The following ZNF423 variants were observed in gnomAD, a reference collection of about 807,000 sequenced individuals.
ZNF423 encodes Ebf-associated zinc finger protein.
ZNF423 carries 12 observed loss-of-function variants against 95.8 expected under a neutral mutation model. The observed-to-expected ratio is 0.13, with a 90% CI of 0.08 to 0.20. The LOEUF (loss-of-function observed/expected upper bound fraction) is 0.20, where lower values mean the gene tolerates loss of function less well. Among genes scored for constraint, ZNF423 ranks in the 10% least tolerant of loss-of-function variants. The probability of loss-of-function intolerance (pLI) is 1.00; values close to 1 mark genes in which losing one functional copy is unlikely to be tolerated. For synonymous variants in ZNF423, 749 were observed against 711.9 expected, an observed-to-expected ratio of 1.05 and a Z score of -0.83; for missense variants, 1,316 against 1,737.1, an observed-to-expected ratio of 0.76 and a Z score of 4.31.
At chr16:49,764,144 C>T (rs895931439) in intron 2 of ZNF423, among the ~76,000 whole-genome samples, 10 of 152,176 alleles carry the variant, frequency 6.6e-5, no homozygotes, top group Non-Finnish European at 1.3e-4. Context: ...TGGATGTTGG[C>T]AAGAGCCCCC....
chr16:49,677,246 G>GAGAAGAGA lies in ZNF423; in HGVS notation c.302-38373_302-38372insTCTCTTCT, dbSNP rs2031101776. Among the ~76,000 whole-genome samples the GAGAAGAGA allele has an allele frequency of 2.5e-4, 5 of 19,830 alleles. No homozygotes were observed. In the East Asian group the frequency reaches 8.3e-3, roughly 33 times the overall value. The allele number at this position is 19,830 out of a possible 152,430, so 13.0% of individuals were successfully genotyped here. ...AACAAGAAAAGAGAAGAGAAGAGAA[G>GAGAAGAGA]ATAAGAGAAGAGAAGAGAAGAGAAG... On this transcript the variant is annotated intron_variant, in intron 3 of 7. Transcript: ENST00000563137.
intron 1 of ZNF423, among the ~76,000 whole-genome samples, chr16:49,812,841 T>G (rs2034775276): frequency 6.6e-6 from 1 of 152,088 alleles, no homozygotes. Context: ...TTTTCATGTG[T>G]CTGAACACAC....
intron 7 of ZNF423, among the ~76,000 whole-genome samples, chr16:49,513,625 A>C (rs1967988932): frequency 7.0e-6 from 1 of 142,596 alleles, no homozygotes; most frequent in Non-Finnish European, 1.5e-5. Flanking sequence ...ATATGTTAAC[A>C]CATATGGGGA....
chr16:49,657,418 A>G (rs1164164556), intron 3 of ZNF423, among the ~76,000 whole-genome samples: 2 of 152,210 alleles, frequency 1.3e-5, no homozygotes, highest in African/African-American at 4.8e-5. Context: ...GAACTCAGGG[A>G]CCTGATGTGT....
chr16:49,785,296 G>A (rs1201303174), intron 2 of ZNF423, among the ~76,000 whole-genome samples: 1 of 152,054 alleles, frequency 6.6e-6, no homozygotes, highest in East Asian at 1.9e-4. Context: ...ACCCAGGCTG[G>A]TCTCAAACTC....
At chr16:49,627,528 C>T (rs1295851844) in intron 4 of ZNF423, among the ~76,000 whole-genome samples, 3 of 133,556 alleles carry the variant, frequency 2.2e-5, no homozygotes, top group Non-Finnish European at 5.2e-5. Flanking sequence ...ATCAATCCAT[C>T]CTCCATCTAC....
In ZNF423 at chr16:49,559,001, G is replaced by A. The variant is rs557975114; in HGVS notation, c.3602-33507C>T. Among the ~76,000 whole-genome samples, 9 of 152,290 alleles carry A rather than the reference G, an allele frequency of 5.9e-5. No homozygotes were observed. In the South Asian group the frequency reaches 1.9e-3, roughly 32 times the overall value. ...TGGGGGCAAGTCCTGAGCTCCTTAGGGGCCACAGGGGCTTCCCTCAACCTT... is the reference window on the plus strand; with the variant it reads ...TGGGGGCAAGTCCTGAGCTCCTTAGAGGCCACAGGGGCTTCCCTCAACCTT... On this transcript the variant is annotated intron_variant, in intron 5 of 7. Transcript: ENST00000563137.
chr16:49,699,837 T>C (rs1369504609), intron 3 of ZNF423, among the ~76,000 whole-genome samples: 1 of 152,154 alleles, frequency 6.6e-6, no homozygotes, highest in East Asian at 1.9e-4. Context: ...AATTTTTATC[T>C]TACGGCTCTT....
intron 2 of ZNF423, among the ~76,000 whole-genome samples, chr16:49,757,854 G>A (rs34554154): frequency 0.086 from 13,084 of 152,144 alleles, 601 homozygotes; most frequent in Middle Eastern, 0.15. Context: ...AAAGAATGAC[G>A]CACAGGATCT....
At chr16:49,680,840 G>A (rs1023495985) in intron 3 of ZNF423, among the ~76,000 whole-genome samples, 9 of 152,340 alleles carry the variant, frequency 5.9e-5, no homozygotes, top group Non-Finnish European at 1.0e-4. Flanking sequence ...GGTGCAGAAC[G>A]AGCCCAGCAG....
chr16:49,517,087 G>A (rs1968177676), intron 7 of ZNF423, among the ~76,000 whole-genome samples: 1 of 152,206 alleles, frequency 6.6e-6, no homozygotes, highest in South Asian at 2.1e-4. Context: ...CCAGAAAGAG[G>A]CAGAAGGCAG....
intron 5 of ZNF423, among the ~76,000 whole-genome samples, chr16:49,554,437 C>A (rs1009103731): frequency 6.6e-6 from 1 of 152,108 alleles, no homozygotes; most frequent in African/African-American, 2.4e-5. Flanking sequence ...ACAATCTGGC[C>A]GAACATCCTC....
At chr16:49,570,839 C>T (rs925456192) in intron 5 of ZNF423, among the ~76,000 whole-genome samples, 1 of 152,228 alleles carries the variant, frequency 6.6e-6, no homozygotes, top group African/African-American at 2.4e-5. Context: ...TCCATCCCAT[C>T]ACTCACCAGA....
At chr16:49,710,518 C>G (rs1169005088) in intron 3 of ZNF423, among the ~76,000 whole-genome samples, 1 of 152,226 alleles carries the variant, frequency 6.6e-6, no homozygotes, top group Non-Finnish European at 1.5e-5. Flanking sequence ...ACTTTCTGCT[C>G]AAAAGTCACC....
At chr16:49,618,357 A>C (rs1567506752) in intron 5 of ZNF423, among the ~76,000 whole-genome samples, 1 of 152,132 alleles carries the variant, frequency 6.6e-6, no homozygotes, top group Non-Finnish European at 1.5e-5. Context: ...CTGTGTCCCC[A>C]CCCAAATTTC....
chr16:49,720,487 TG>T (rs1229430695), intron 3 of ZNF423, among the ~76,000 whole-genome samples: 1 of 152,214 alleles, frequency 6.6e-6, no homozygotes, highest in Non-Finnish European at 1.5e-5. Context: ...CCTCCCTGTG[TG>T]ACCTGGGACA....
intron 2 of ZNF423, among the ~76,000 whole-genome samples, chr16:49,733,694 C>T (rs573717340): frequency 5.3e-4 from 80 of 152,302 alleles, no homozygotes; most frequent in Admixed American, 7.8e-4. Context: ...ATCCTCTGGG[C>T]TCCCAAGGGG....
At position 49,801,442 on chromosome 16, in the gene ZNF423, G is replaced by A. The variant is rs1206546193; in HGVS notation, c.41-11896C>T. 4.6e-5 allele frequency among the ~76,000 whole-genome samples: 7 copies of A among 152,220 alleles called. No homozygotes were observed. In the East Asian group the frequency reaches 5.8e-4, roughly 13 times the overall value. ...GGCGGCAAAAGCAGACTCAGAACCCGGCATTCTAGCTTTCAGGCCCTGGAA... is the reference window on the plus strand; with the variant it reads ...GGCGGCAAAAGCAGACTCAGAACCCAGCATTCTAGCTTTCAGGCCCTGGAA... On this transcript the variant is annotated intron_variant, in intron 1 of 7. Transcript: ENST00000563137.
intron 1 of ZNF423, among the ~76,000 whole-genome samples, chr16:49,831,892 TG>T: frequency 6.7e-6 from 1 of 148,646 alleles, no homozygotes; most frequent in South Asian, 2.1e-4. Flanking sequence ...TCCCAGCTAC[TG>T]GGGAGGCGGA....
Sources: allele counts gnomAD v4.1 joint callset (sites outside exome capture counted in the v4.1 genomes callset), GRCh38; gene constraint gnomAD v4.1.1; transcripts MANE v1.5; gene names NCBI Gene and HGNC (gene_info 2026-07-23, HGNC 2026-07-21).